RARB: variants seen among roughly 807,000 people sequenced by gnomAD.
The protein encoded by RARB is HBV-activated protein.
A neutral mutation model predicts 51.9 loss-of-function variants in RARB; 17 were observed. That is an observed-to-expected ratio of 0.33 (90% confidence interval 0.22 to 0.49). The LOEUF (loss-of-function observed/expected upper bound fraction) is 0.49, where lower values mean the gene tolerates loss of function less well. RARB is among the 20% of genes least tolerant of loss of function. The probability of loss-of-function intolerance (pLI) is 0.99; values close to 1 mark genes in which losing one functional copy is unlikely to be tolerated. For synonymous variants in RARB, 215 were observed against 195.4 expected (o/e 1.10, Z -0.84); for missense variants, 369 against 550.8 (o/e 0.67, Z 3.30).
rs192747104 is a variant in RARB, at chr3:25,220,318, G to C, written c.178+45743G>C. Among the ~76,000 whole-genome samples, 172 of 152,298 alleles carry C rather than the reference G, an allele frequency of 1.1e-3. 1 individual carries two copies. Among genetic ancestry groups the C allele is most frequent in the African/African-American group, 4.0e-3 (166 of 41,564 alleles). Reference sequence around the variant, plus strand: ...TTCATCTTGCAGTAACTTAGATGTTGTGTTTTTAACCAATATTTAAGTTAT... The same window carrying C: ...TTCATCTTGCAGTAACTTAGATGTTCTGTTTTTAACCAATATTTAAGTTAT... On this transcript the variant is annotated intron_variant, in intron 5 of 11. Coordinates refer to the RARB transcript ENST00000383772.
intron 5 of RARB, among the ~76,000 whole-genome samples, chr3:25,377,902 A>G (rs889260727): frequency 6.6e-6 from 1 of 152,220 alleles, no homozygotes; most frequent in Non-Finnish European, 1.5e-5. Context: ...CACTTCTTAA[A>G]TCTGAGAGTC....
intron 2 of RARB, among the ~76,000 whole-genome samples, chr3:24,923,216 T>C (rs1057290966): frequency 9.2e-5 from 14 of 152,200 alleles, no homozygotes; most frequent in Non-Finnish European, 1.8e-4. Context: ...AGTTTAATTC[T>C]AGCAATATAT....
chr3:25,034,095 A>C (rs1697933257), intron 2 of RARB, among the ~76,000 whole-genome samples: 1 of 152,170 alleles, frequency 6.6e-6, no homozygotes, highest in African/African-American at 2.4e-5. Context: ...AATGGGAGTC[A>C]AGAATAGCTG....
intron 2 of RARB, among the ~76,000 whole-genome samples, chr3:24,874,006 T>G (rs1040305198): frequency 7.2e-5 from 11 of 152,092 alleles, no homozygotes; most frequent in Admixed American, 6.6e-5. Context: ...GTATAACAAC[T>G]ATTTACATAG....
chr3:25,091,788 GT>G (rs1400529263), intron 3 of RARB, among the ~76,000 whole-genome samples: 2 of 152,140 alleles, frequency 1.3e-5, no homozygotes, highest in African/African-American at 4.8e-5. Context: ...CCGTCTTCAT[GT>G]AAAAAGGTTT....
At chr3:25,406,943 G>A (rs562798515) in intron 5 of RARB, among the ~76,000 whole-genome samples, 14 of 152,164 alleles carry the variant, frequency 9.2e-5, no homozygotes, top group South Asian at 2.1e-4. Flanking sequence ...ATGCCTCTAA[G>A]TTATCTTTGC....
rs759373266 is a variant in RARB, at chr3:25,569,787, AAGG to A, written c.481_483del (p.Glu161del). 6.2e-7 allele frequency: 1 copy of A among 1,614,170 alleles called. No homozygotes were observed. Among genetic ancestry groups the A allele is most frequent in the Non-Finnish European group, 8.5e-7 (1 of 1,180,024 alleles). On this transcript the variant is annotated inframe_deletion, in exon 4 of 8. Transcript: ENST00000330688. ...CAGGAATGACAGGAACAAGAAAAAG[AAGG>A]AGACTTCGAAGCAAGAATGCACAGA...
At chr3:25,474,779 A>C (rs1695871659) in intron 2 of RARB, among the ~76,000 whole-genome samples, 1 of 152,218 alleles carries the variant, frequency 6.6e-6, no homozygotes, top group Non-Finnish European at 1.5e-5. Flanking sequence ...CACTAAAATG[A>C]AATTAAATGT....
At chr3:24,903,755 C>G (rs994280217) in intron 2 of RARB, among the ~76,000 whole-genome samples, 2 of 152,252 alleles carry the variant, frequency 1.3e-5, no homozygotes, top group South Asian at 4.2e-4. Context: ...GAAGCATATT[C>G]TGAGAAACAT....
At chr3:25,502,268 G>A (rs979756677) in intron 3 of RARB, among the ~76,000 whole-genome samples, 1 of 152,218 alleles carries the variant, frequency 6.6e-6, no homozygotes, top group Non-Finnish European at 1.5e-5. Context: ...CCCCAATCAT[G>A]ATCCTCTAAT....
intron 2 of RARB, among the ~76,000 whole-genome samples, chr3:25,462,761 A>G (rs553095703): frequency 4.7e-4 from 71 of 152,278 alleles, no homozygotes; most frequent in African/African-American, 1.6e-3. Flanking sequence ...CTCTGCTTCT[A>G]GGGGTGCTGA....
chr3:25,164,017 CT>C (rs1490676282), intron 4 of RARB, among the ~76,000 whole-genome samples: 1 of 152,128 alleles, frequency 6.6e-6, no homozygotes, highest in Non-Finnish European at 1.5e-5. Flanking sequence ...AAAGAACAGA[CT>C]ACAAGGAGTG....
intron 5 of RARB, among the ~76,000 whole-genome samples, chr3:25,309,056 TAG>T (rs568512690): frequency 9.1e-4 from 138 of 152,038 alleles, no homozygotes; most frequent in African/African-American, 3.2e-3. Flanking sequence ...TGTTGATCTG[TAG>T]AAAAGTACCT....
chr3:25,475,802 A>G (rs943738692), intron 2 of RARB, among the ~76,000 whole-genome samples: 1 of 152,230 alleles, frequency 6.6e-6, no homozygotes, highest in East Asian at 1.9e-4. Flanking sequence ...TGCATCTGGC[A>G]TTTGTTACTC....
At chr3:25,123,061 C>T (rs538814871) in intron 3 of RARB, among the ~76,000 whole-genome samples, 57 of 152,120 alleles carry the variant, frequency 3.7e-4, no homozygotes, top group Admixed American at 1.3e-4. Flanking sequence ...TTCAATTCTC[C>T]TGCATGAGCA....
At chr3:24,883,722 G>C (rs557152555) in intron 2 of RARB, among the ~76,000 whole-genome samples, 38 of 152,084 alleles carry the variant, frequency 2.5e-4, no homozygotes, top group African/African-American at 8.9e-4. Flanking sequence ...GATGAAATAA[G>C]CATTGATTTT....
chr3:25,318,598 ATG>A (rs1704486616), intron 5 of RARB, among the ~76,000 whole-genome samples: 1 of 152,198 alleles, frequency 6.6e-6, no homozygotes, highest in Non-Finnish European at 1.5e-5. Flanking sequence ...TTGGAAATGT[ATG>A]TGTAGGTAAT....
At chr3:25,324,007 C>A (rs1704641813) in intron 5 of RARB, among the ~76,000 whole-genome samples, 1 of 152,002 alleles carries the variant, frequency 6.6e-6, no homozygotes, top group Non-Finnish European at 1.5e-5. Context: ...AGGTGACACT[C>A]AAGGAAGCAG....
intron 5 of RARB, among the ~76,000 whole-genome samples, chr3:25,383,199 G>C (rs1706681909): frequency 6.6e-6 from 1 of 152,090 alleles, no homozygotes; most frequent in South Asian, 2.1e-4. Context: ...AGATTGTAGG[G>C]GTGAAAGGCA....
Sources: allele counts gnomAD v4.1 joint callset (sites outside exome capture counted in the v4.1 genomes callset), GRCh38; gene constraint gnomAD v4.1.1; transcripts MANE v1.5; gene names NCBI Gene and HGNC (gene_info 2026-07-23, HGNC 2026-07-21).